The following HDC variants were observed in gnomAD, a reference collection of about 807,000 sequenced individuals.
The protein encoded by HDC is histidine decarboxylase.
In HDC, 27 loss-of-function variants were observed where a neutral mutation model predicts 64.4. The ratio of observed to expected loss-of-function variants is 0.42; its 90% confidence interval spans 0.31 to 0.58. The LOEUF (loss-of-function observed/expected upper bound fraction) is 0.58. HDC is among the 20% of genes least tolerant of loss of function. The pLI is 0.16. For synonymous variants in HDC, 305 were observed against 314.2 expected (o/e 0.97, Z 0.31); for missense variants, 711 against 833.9 (o/e 0.85, Z 1.81).
chr15:50,250,399 T>C (rs577759756), intron 9 of HDC, among the ~76,000 whole-genome samples: 2 of 152,244 alleles, frequency 1.3e-5, no homozygotes, highest in Admixed American at 1.3e-4. Flanking sequence ...AGGGTAAGTG[T>C]AAGGCAGTGC....
chr15:50,262,210 A>C (rs1485447666), intron 2 of HDC, among the ~76,000 whole-genome samples: 1 of 152,098 alleles, frequency 6.6e-6, no homozygotes, highest in Non-Finnish European at 1.5e-5. Flanking sequence ...TCAGGCACCC[A>C]CCAGTAGAGG....
intron 3 of HDC, 149 bp downstream of exon 3, chr15:50,258,255 T>G: frequency 1.5e-6 from 1 of 674,736 alleles, no homozygotes; most frequent in South Asian, 1.5e-5. Context: ...GATGAGAAAA[T>G]TAAAATAAAG....
At chr15:50,253,168 G>A in intron 7 of HDC, 1 of 377,012 alleles carries the variant, frequency 2.7e-6, no homozygotes, top group Non-Finnish European at 5.0e-6. Context: ...GGATTAAACA[G>A]TCCCATCTGG....
At chr15:50,254,353 C>G in intron 5 of HDC, 80 bp from the exon 6 acceptor site, 1 of 1,576,260 alleles carries the variant, frequency 6.3e-7, no homozygotes, top group Non-Finnish European at 8.7e-7. Context: ...GCCTAAGACT[C>G]GGGAACCAAA....
intron 10 of HDC, among the ~76,000 whole-genome samples, chr15:50,243,508 G>T (rs976369431): frequency 6.6e-6 from 1 of 152,200 alleles, no homozygotes; most frequent in African/African-American, 2.4e-5. Flanking sequence ...CCAGAACCCA[G>T]AAGGCATGTG....
At chr15:50,245,552 T>C (rs2045470170) in intron 10 of HDC, among the ~76,000 whole-genome samples, 1 of 152,184 alleles carries the variant, frequency 6.6e-6, no homozygotes, top group Non-Finnish European at 1.5e-5. Context: ...GCATATATAT[T>C]ATCTCATTTA....
rs143703215 is a variant in HDC, at chr15:50,249,681, A to G, written c.1042-1338T>C. On this transcript the variant is annotated intron_variant, in intron 9 of 11. Coordinates refer to ENST00000267845, the MANE Select transcript of HDC (RefSeq NM_002112.4). ...CAACTCCACCTCTTGTCCAATGGAC[A>G]CTCCAAGAGAATAATGAACGGATGA... is the stretch of plus-strand genomic sequence containing the variant. Among the ~76,000 whole-genome samples the G allele has an allele frequency of 9.4e-3, 1,432 of 152,326 alleles. 15 individuals carry two copies. The highest frequency in any genetic ancestry group is 0.033 in the African/African-American group (1,381 of 41,566).
chr15:50,253,474 C>T (rs1182521808), intron 7 of HDC, 126 bp downstream of exon 7: 2 of 883,678 alleles, frequency 2.3e-6, no homozygotes, highest in Non-Finnish European at 3.8e-6. Flanking sequence ...GGTGGTTCTT[C>T]CCATGTCTCT....
At position 50,254,639 on chromosome 15, in the gene HDC, A is replaced by G; in HGVS notation, c.467T>C (p.Ile156Thr). Reference protein sequence around the residue: ...LQSTVSESTLIALLAARKNKI... With the variant: ...LQSTVSESTLTALLAARKNKI... ...GTTCTTCCTTGCTGCCAGCAGGGCAATCAAAGTGGATTCACTGACCGTGCT... is the reference window on the plus strand; with the variant it reads ...GTTCTTCCTTGCTGCCAGCAGGGCAGTCAAAGTGGATTCACTGACCGTGCT... The change falls in exon 5 of 12, where the codon ATT becomes ACT. Residue 156 changes from isoleucine to threonine, a missense_variant. This residue lies in a region of HDC where 225 missense variants were observed against 276.2 expected (regional missense o/e 0.81). Coordinates refer to ENST00000267845, the MANE Select transcript of HDC (RefSeq NM_002112.4). 1.9e-6 allele frequency: 3 copies of G among 1,614,098 alleles called. No homozygotes were observed. The highest frequency in any genetic ancestry group is 2.5e-6 in the Non-Finnish European group (3 of 1,179,934).
rs149696133 is a variant in HDC at position 50,259,851 on chromosome 15, C to T, written c.205-1334G>A. Among the ~76,000 whole-genome samples, 10 of 152,226 alleles carry T rather than the reference C, an allele frequency of 6.6e-5. No homozygotes were observed. In the East Asian group the frequency reaches 1.9e-3, roughly 29 times the overall value. On this transcript the variant is annotated intron_variant, in intron 2 of 11. Transcript: ENST00000267845. Reference sequence around the variant, plus strand: ...ACTTAGAGTCCTTCAAGAGCAAGGACCTTGTCCTGGACAGTGTGTATAGTA... The same window carrying T: ...ACTTAGAGTCCTTCAAGAGCAAGGATCTTGTCCTGGACAGTGTGTATAGTA...
Position 50,258,500 on chromosome 15 carries a change from G to T in HDC, c.222C>A (p.Ser74Arg), listed in dbSNP as rs777030044. The change falls in exon 3 of 12, where the codon AGC (serine) becomes AGA (arginine). Residue 74 changes from serine to arginine, a missense_variant. Ser to Arg is a moderately radical substitution (Grantham distance 110, BLOSUM62 -1). Around this residue, in one of 3 missense-constraint regions of HDC, gnomAD observed 225 missense variants for 276.2 expected, o/e 0.81. Coordinates refer to ENST00000267845, the MANE Select transcript of HDC (RefSeq NM_002112.4). ...IIMPGVVHWQ[S>R]PHMHAYYPAL... ...CTGGGTAGTAGGCGTGCATATGGGGGCTCTGCCAATGTACCACCTGGAGGC... is the reference window on the plus strand; with the variant it reads ...CTGGGTAGTAGGCGTGCATATGGGGTCTCTGCCAATGTACCACCTGGAGGC... 14 of 1,611,564 alleles carry T rather than the reference G, an allele frequency of 8.7e-6. No individual in the cohort carries two copies. The highest frequency in any genetic ancestry group is 1.2e-5 in the Non-Finnish European group (14 of 1,177,912).
chr15:50,252,860 G>A, intron 7 of HDC, 86 bp from the exon 8 acceptor site: 3 of 1,364,828 alleles, frequency 2.2e-6, no homozygotes. Context: ...GTGGTGGGCT[G>A]CAAGGATGAT....
Position 50,248,401 on chromosome 15 carries a change from G to C in HDC, c.1042-58C>G. On this transcript the variant is annotated intron_variant, in intron 9 of 11. Transcript: ENST00000267845. This position sits in a 1 kb window ranked among gnomAD's most constrained non-coding sequence, Gnocchi z 4.3. ...GAGACAAGGGTGCCCCACTCCCTCG[G>C]GCATTTCTGGGCATTATCTGTTGCC... The C allele has an allele frequency of 1.8e-6, 2 of 1,131,812 alleles. No homozygotes were observed. Among genetic ancestry groups the C allele is most frequent in the Non-Finnish European group, 2.7e-6 (2 of 749,908 alleles). 70.1% of individuals were successfully genotyped at this position (1,131,812 alleles called of 1,614,324 possible).
At chr15:50,258,373 A>G (rs2045658936) in intron 3 of HDC, 31 bp downstream of exon 3, 1 of 1,269,230 alleles carries the variant, frequency 7.9e-7, no homozygotes, top group Non-Finnish European at 1.2e-6. Flanking sequence ...TACGTTCCCC[A>G]TTGCGAGTAG....
rs2045660700 is a variant in HDC at position 50,258,454 on chromosome 15, G to A, written c.268C>T (p.Leu90=). The A allele has an allele frequency of 6.2e-7, 1 of 1,613,790 alleles. No individual in the cohort carries two copies. ...GCATCAGCCAGCATGTCTCCTAGCA[G>A]GGAGGGCCAAGAGGTGAGGGCTGGG... The part of the protein sequence containing the change: ...YYPALTSWPS[L]LGDMLADAIN... Residue 90 remains leucine, a synonymous_variant, in exon 3 of 12, where the codon CTG becomes TTG. Transcript: ENST00000267845.
chr15:50,262,707 G>A (rs2045719387), intron 2 of HDC, among the ~76,000 whole-genome samples: 1 of 152,186 alleles, frequency 6.6e-6, no homozygotes, highest in Non-Finnish European at 1.5e-5. Flanking sequence ...GGGGTTGCCA[G>A]GGCCCACTCA....
intron 4 of HDC, 74 bp from the exon 5 acceptor site, chr15:50,254,738 TTC>T (rs55859417): frequency 0.066 from 56,330 of 850,752 alleles, 538 homozygotes; most frequent in East Asian, 0.12. Flanking sequence ...TTCTAGTTTT[TTC>T]TCTCTCTCTC....
At chr15:50,253,476 C>T (rs948658805) in intron 7 of HDC, 124 bp downstream of exon 7, 6 of 892,754 alleles carry the variant, frequency 6.7e-6, no homozygotes, top group South Asian at 1.3e-5. Context: ...TGGTTCTTCC[C>T]ATGTCTCTGC....
chr15:50,252,480 T>G lies in HDC; in HGVS notation c.991A>C (p.Asn331His), dbSNP rs1303813409. Residue 331 changes from asparagine (N) to histidine (H), a missense_variant, in exon 9 of 12, where the codon AAT becomes CAT. Asn to His is a moderately conservative substitution (Grantham distance 68). Around this residue, in one of 3 missense-constraint regions of HDC, gnomAD observed 483 missense variants for 540.9 expected, o/e 0.89. Transcript: ENST00000267845. Reference sequence around the variant, plus strand: ...TTGGCATGCCTGAGGTAGATGGGATTCACACTGAAGGTCTGCTGCAGCTTG... The same window carrying G: ...TTGGCATGCCTGAGGTAGATGGGATGCACACTGAAGGTCTGCTGCAGCTTG... ...KYKLQQTFSV[N>H]PIYLRHANSG... The G allele has an allele frequency of 6.2e-7, 1 of 1,614,208 alleles. No individual in the cohort carries two copies. Among genetic ancestry groups the G allele is most frequent in the Non-Finnish European group, 8.5e-7 (1 of 1,180,036 alleles).
Sources: allele counts gnomAD v4.1 joint callset (sites outside exome capture counted in the v4.1 genomes callset), GRCh38; gene constraint gnomAD v4.1.1; regional missense constraint gnomAD v4.1.1; non-coding constraint Gnocchi (gnomAD v3.1); transcripts MANE v1.5; gene names NCBI Gene and HGNC (gene_info 2026-07-23, HGNC 2026-07-21).